The following GPC5 variants were observed in gnomAD, a reference collection of about 807,000 sequenced individuals.
GPC5 encodes glypican 5.
In GPC5, 47 loss-of-function variants were observed where a neutral mutation model predicts 53.9. That is an observed-to-expected ratio of 0.87 (90% CI 0.69 to 1.11). GPC5 has a LOEUF of 1.11. GPC5 is among the 50% of genes most tolerant of loss of function. GPC5 has a pLI of 0.00. For synonymous variants in GPC5, 286 were observed against 263.3 expected (o/e 1.09, Z -0.84); for missense variants, 748 against 713.1 (o/e 1.05, Z -0.56).
At chr13:92,254,904 G>T (rs2042716851) in intron 7 of GPC5, among the ~76,000 whole-genome samples, 1 of 152,110 alleles carries the variant, frequency 6.6e-6, no homozygotes. Flanking sequence ...TACAATTCAA[G>T]ATGAAATTTG....
chr13:92,589,620 C>A (rs1414236926), intron 7 of GPC5, among the ~76,000 whole-genome samples: 1 of 152,100 alleles, frequency 6.6e-6, no homozygotes, highest in Non-Finnish European at 1.5e-5. Flanking sequence ...TTCTCCAACC[C>A]AAATAGTTAC....
chr13:92,633,064 T>C (rs1885305345), intron 7 of GPC5, among the ~76,000 whole-genome samples: 1 of 152,144 alleles, frequency 6.6e-6, no homozygotes, highest in Non-Finnish European at 1.5e-5. Context: ...CTTATTTTTG[T>C]ATTTTTAGTA....
At chr13:92,032,611 A>T (rs980137387) in intron 6 of GPC5, among the ~76,000 whole-genome samples, 1 of 152,114 alleles carries the variant, frequency 6.6e-6, no homozygotes, top group Non-Finnish European at 1.5e-5. Flanking sequence ...ATCCAGCATT[A>T]AGATCTGCTT....
Position 91,583,691 on chromosome 13 carries a change from C to A in GPC5, c.326-109496C>A, listed in dbSNP as rs542206579. On this transcript the variant is annotated intron_variant, in intron 2 of 7. Coordinates refer to ENST00000377067, the MANE Select transcript of GPC5 (RefSeq NM_004466.6). ...AAGAATAAGTAAAATAGCTGAGACACCCTTGAAGAAAGAGGCAGGAGGACT... is the reference window on the plus strand; with the variant it reads ...AAGAATAAGTAAAATAGCTGAGACAACCTTGAAGAAAGAGGCAGGAGGACT... Among the ~76,000 whole-genome samples, 4 of 151,978 alleles carry A rather than the reference C, an allele frequency of 2.6e-5. No homozygotes were observed. In the East Asian group the frequency reaches 7.7e-4, roughly 29 times the overall value.
chr13:92,825,877 T>C (rs1177542506), intron 7 of GPC5, among the ~76,000 whole-genome samples: 1 of 152,182 alleles, frequency 6.6e-6, no homozygotes, highest in African/African-American at 2.4e-5. Flanking sequence ...TTTTCATACT[T>C]ATTCATGATG....
intron 7 of GPC5, among the ~76,000 whole-genome samples, chr13:92,546,929 A>G (rs958758169): frequency 6.6e-6 from 1 of 152,278 alleles, no homozygotes; most frequent in Admixed American, 6.5e-5. Context: ...AGGATTCCCT[A>G]TTTAATAAAT....
Position 91,634,384 on chromosome 13 carries a change from AAAGAT to A in GPC5, c.326-58796_326-58792del, listed in dbSNP as rs148988810. ...ATGGTTAAATAAGCTAAAACTGAGA[AAAGAT>A]AAGATATTAGCTTAGGTCACACAGT... On this transcript the variant is annotated intron_variant, in intron 2 of 7. Transcript: ENST00000377067. Among the ~76,000 whole-genome samples the A allele has an allele frequency of 3.9e-3, 600 of 152,202 alleles. 3 individuals carry two copies. The highest frequency in any genetic ancestry group is 0.013 in the African/African-American group (554 of 41,574).
At chr13:92,257,545 G>GGTTTTTTTTTTTTTTTTTT (rs1566507028) in intron 7 of GPC5, among the ~76,000 whole-genome samples, 3 of 50,052 alleles carry the variant, frequency 6.0e-5, no homozygotes, top group African/African-American at 1.2e-4. Context: ...CTAATACAGG[G>GGTTTTTTTTTTTTTTTTTT]ATTTTTTTTT....
At chr13:92,613,359 ATATAT>A (rs1566320162) in intron 7 of GPC5, among the ~76,000 whole-genome samples, 1 of 91,468 alleles carries the variant, frequency 1.1e-5, no homozygotes, top group Non-Finnish European at 1.9e-5. Context: ...TAAATATATA[ATATAT>A]TTATATATAA....
At chr13:92,220,690 T>C (rs1594009612) in intron 7 of GPC5, among the ~76,000 whole-genome samples, 1 of 152,222 alleles carries the variant, frequency 6.6e-6, no homozygotes, top group African/African-American at 2.4e-5. Context: ...TTTTAAGATA[T>C]TAATTTTGAA....
At chr13:92,667,818 T>G (rs1886624964) in intron 7 of GPC5, among the ~76,000 whole-genome samples, 1 of 152,174 alleles carries the variant, frequency 6.6e-6, no homozygotes, top group Non-Finnish European at 1.5e-5. Context: ...CAACAATGAC[T>G]ATTCAGCAAC....
At chr13:92,207,694 T>C (rs2139070393) in intron 7 of GPC5, among the ~76,000 whole-genome samples, 1 of 152,332 alleles carries the variant, frequency 6.6e-6, no homozygotes, top group African/African-American at 2.4e-5. Context: ...TTGTTTTAAT[T>C]GCCTATTCCA....
chr13:92,663,484 A>C (rs1886418573), intron 7 of GPC5, among the ~76,000 whole-genome samples: 1 of 150,396 alleles, frequency 6.6e-6, no homozygotes, highest in Non-Finnish European at 1.5e-5. Context: ...CACGCCTCTA[A>C]TCTCAGCACT....
chr13:92,139,912 C>T (rs1363388596), intron 6 of GPC5, among the ~76,000 whole-genome samples: 2 of 152,002 alleles, frequency 1.3e-5, no homozygotes, highest in African/African-American at 2.4e-5. Context: ...ATGTATTTAG[C>T]GTCTACAATG....
intron 4 of GPC5, among the ~76,000 whole-genome samples, chr13:91,750,616 A>C (rs779558031): frequency 3.8e-4 from 56 of 149,178 alleles, no homozygotes; most frequent in Non-Finnish European, 2.1e-4. Flanking sequence ...CTGGCAACTG[A>C]GATTTGAATT....
intron 7 of GPC5, among the ~76,000 whole-genome samples, chr13:92,699,789 TAGAC>T (rs1887670960): frequency 1.3e-5 from 2 of 152,162 alleles, no homozygotes; most frequent in South Asian, 2.1e-4. Context: ...TGTGGTCTGA[TAGAC>T]AGTTTGTTAT....
intron 7 of GPC5, among the ~76,000 whole-genome samples, chr13:92,621,940 C>CAAT (rs898099485): frequency 1.8e-4 from 28 of 152,012 alleles, no homozygotes; most frequent in East Asian, 3.9e-4. Context: ...ACAAAAACAA[C>CAAT]AATAATAATA....
chr13:92,456,234 A>G (rs573181788), intron 7 of GPC5, among the ~76,000 whole-genome samples: 1 of 152,170 alleles, frequency 6.6e-6, no homozygotes, highest in African/African-American at 2.4e-5. Context: ...ACACTAAGGA[A>G]CATTGCCTAA....
chr13:92,073,491 A>G (rs1250087789), intron 6 of GPC5, among the ~76,000 whole-genome samples: 1 of 152,136 alleles, frequency 6.6e-6, no homozygotes, highest in African/African-American at 2.4e-5. Flanking sequence ...TTAATATTGG[A>G]CTTTCTATGT....
Sources: gnomAD v4.1 joint callset for allele counts (sites outside exome capture counted in the v4.1 genomes callset) on GRCh38, gnomAD v4.1.1 for gene constraint, MANE v1.5 for transcripts, NCBI Gene and HGNC (gene_info 2026-07-23, HGNC 2026-07-21) for gene names.